GPAT3: variants seen among roughly 807,000 people sequenced by gnomAD.
GPAT3 encodes the protein 1-AGP acyltransferase 9.
In GPAT3, 53 loss-of-function variants were observed where a neutral mutation model predicts 58.8. The observed-to-expected ratio is 0.90, with a 90% CI of 0.72 to 1.13. The LOEUF (loss-of-function observed/expected upper bound fraction) is 1.13, where lower values mean the gene tolerates loss of function less well. Ranked by LOEUF, GPAT3 falls within the 50% of genes most tolerant of loss-of-function variation. The pLI is 0.00. For synonymous variants in GPAT3, 197 were observed against 187.4 expected (o/e 1.05, Z -0.42); for missense variants, 511 against 527.6 (o/e 0.97, Z 0.31).
chr4:83,604,517 G>A lies in GPAT3; in HGVS notation c.1206-151G>A, dbSNP rs1173546546. 9.4e-6 allele frequency: 5 copies of A among 529,578 alleles called. No individual in the cohort carries two copies. In the African/African-American group the frequency reaches 9.8e-5, roughly 10 times the overall value. The allele number at this position is 529,578 out of a possible 1,614,324, so 32.8% of individuals were successfully genotyped here. A position where few individuals can be genotyped will look rare whatever the true frequency, so the allele number is the denominator to read the frequency against. ...AGTGGTAGGGCAGAAACTGAAACCT[G>A]GGTCTTCCTGTTTCCAAATCCAGTG... On this transcript the variant is annotated intron_variant, in intron 11 of 11. Coordinates refer to ENST00000264409, the MANE Select transcript of GPAT3 (RefSeq NM_032717.5).
intron 11 of GPAT3, among the ~76,000 whole-genome samples, chr4:83,600,223 T>G (rs1052177889): frequency 8.5e-5 from 13 of 152,304 alleles, no homozygotes; most frequent in African/African-American, 2.6e-4. Context: ...CCTCTTGTGT[T>G]GCAGATAGCT....
chr4:83,536,178 G>T lies in GPAT3; in HGVS notation c.-445G>T, dbSNP rs938544480. ...CGGTGTGCCAAAGTGCGGTGCTCCC[G>T]CAGGGAACCTGGCTCGGGGAGGGCC... On this transcript the variant is annotated 5_prime_UTR_variant, in exon 1 of 12. Transcript: ENST00000264409. 5.0e-5 allele frequency: 49 copies of T among 986,350 alleles called. No homozygotes were observed. The highest frequency in any genetic ancestry group is 5.2e-4 in the Middle Eastern group (1 of 1,938). 61.1% of individuals were successfully genotyped at this position (986,350 alleles called of 1,614,324 possible).
At chr4:83,566,214 A>C (rs1390495445) in intron 2 of GPAT3, among the ~76,000 whole-genome samples, 1 of 151,974 alleles carries the variant, frequency 6.6e-6, no homozygotes, top group African/African-American at 2.4e-5. Context: ...ACATTTTTGT[A>C]TTTTTGTAGA....
At chr4:83,587,365 C>T in intron 4 of GPAT3, 36 bp downstream of exon 4, 1 of 1,546,106 alleles carries the variant, frequency 6.5e-7, no homozygotes, top group Non-Finnish European at 8.9e-7. Flanking sequence ...ATATATAGGA[C>T]TGTCTTTTTT....
chr4:83,543,692 G>GGA (rs1462343610), intron 1 of GPAT3, among the ~76,000 whole-genome samples: 1 of 151,718 alleles, frequency 6.6e-6, no homozygotes, highest in Non-Finnish European at 1.5e-5. Context: ...TGCCTAGACT[G>GGA]GAGTGCAGGT....
chr4:83,605,492 A>G lies in GPAT3; in HGVS notation c.*725A>G, dbSNP rs761023803. The G allele has an allele frequency of 2.6e-5, 4 of 152,268 alleles. No individual in the cohort carries two copies. Among genetic ancestry groups the G allele is most frequent in the South Asian group, 2.1e-4 (1 of 4,820 alleles). 9.4% of individuals were successfully genotyped at this position (152,268 alleles called of 1,614,324 possible). On this transcript the variant is annotated 3_prime_UTR_variant, in exon 12 of 12. Transcript: ENST00000264409. ...TAGATCTGTACCTAGTACCCCTCCCATCTACTGATTTGTTTGTTTTTGTAA... is the reference window on the plus strand; with the variant it reads ...TAGATCTGTACCTAGTACCCCTCCCGTCTACTGATTTGTTTGTTTTTGTAA...
At chr4:83,599,790 G>C (rs1395027494) in intron 11 of GPAT3, among the ~76,000 whole-genome samples, 1 of 152,096 alleles carries the variant, frequency 6.6e-6, no homozygotes, top group African/African-American at 2.4e-5. Context: ...GTCCCCTCTG[G>C]ATAATGGGGG....
intron 5 of GPAT3, among the ~76,000 whole-genome samples, 184 bp from the exon 6 acceptor site, chr4:83,590,015 C>G (rs1043692416): frequency 2.0e-5 from 3 of 152,020 alleles, no homozygotes; most frequent in Admixed American, 6.6e-5. Flanking sequence ...TTGCTTGAAC[C>G]CCTGGAGGTG....
intron 2 of GPAT3, among the ~76,000 whole-genome samples, chr4:83,570,873 A>T (rs1725578907): frequency 6.6e-6 from 1 of 152,056 alleles, no homozygotes; most frequent in Admixed American, 6.5e-5. Flanking sequence ...CAGATACATG[A>T]TTTTTTACAT....
At chr4:83,579,165 TTCTC>T (rs1299789440) in intron 2 of GPAT3, among the ~76,000 whole-genome samples, 1 of 140,684 alleles carries the variant, frequency 7.1e-6, no homozygotes, top group African/African-American at 2.7e-5. Context: ...CTTTCTCTCT[TTCTC>T]TTTCTTTCCT....
At chr4:83,596,809 C>T (rs1289040922) in intron 7 of GPAT3, 49 bp from the exon 8 acceptor site, 1 of 1,429,310 alleles carries the variant, frequency 7.0e-7, no homozygotes, top group Non-Finnish European at 9.9e-7. Flanking sequence ...AAAGGACATC[C>T]ACCTCTCTCT....
intron 6 of GPAT3, among the ~76,000 whole-genome samples, chr4:83,593,160 C>G (rs1726671917): frequency 9.2e-6 from 1 of 108,312 alleles, no homozygotes; most frequent in Admixed American, 1.0e-4. Context: ...AGCCACCGAG[C>G]CAGGACTTTT....
At position 83,581,844 on chromosome 4, in the gene GPAT3, G is replaced by A; in HGVS notation, c.479+12G>A. The A allele has an allele frequency of 6.3e-7, 1 of 1,593,074 alleles. No individual in the cohort carries two copies. Among genetic ancestry groups the A allele is most frequent in the Non-Finnish European group, 8.6e-7 (1 of 1,167,014 alleles). On this transcript the variant is annotated intron_variant, in intron 3 of 11. Transcript: ENST00000264409. The stretch of plus-strand genomic sequence containing the variant: ...CTACTGCCTCTGAGGTAAGTCATAT[G>A]CCTGGTAATTTGATGATACGCTTGA...
chr4:83,566,404 T>A (rs6824732), intron 2 of GPAT3, among the ~76,000 whole-genome samples: 51,892 of 147,480 alleles, frequency 0.35, 9,164 homozygotes, highest in Middle Eastern at 0.46. Flanking sequence ...TTCTTTTTTT[T>A]AAAAAATTAA....
In GPAT3 at chr4:83,536,617, C is replaced by T; in HGVS notation, c.-6C>T. The T allele has an allele frequency of 1.2e-6, 2 of 1,611,432 alleles. No individual in the cohort carries two copies. Among genetic ancestry groups the T allele is most frequent in the Non-Finnish European group, 1.7e-6 (2 of 1,179,444 alleles). On this transcript the variant is annotated 5_prime_UTR_variant, in exon 1 of 12. Coordinates refer to ENST00000264409, the MANE Select transcript of GPAT3 (RefSeq NM_032717.5). ...GCGGACCTCTCCTGAGTGGGTGCGC[C>T]GAGTCATGGAGGGCGCAGAGCTGGC... is the stretch of plus-strand genomic sequence containing the variant.
At chr4:83,553,642 T>C (rs2110077581) in intron 2 of GPAT3, among the ~76,000 whole-genome samples, 1 of 152,278 alleles carries the variant, frequency 6.6e-6, no homozygotes, top group Non-Finnish European at 1.5e-5. Context: ...CTCATGCCTG[T>C]AATCCCAGCA....
At chr4:83,554,104 A>C (rs1724860570) in intron 2 of GPAT3, among the ~76,000 whole-genome samples, 1 of 151,712 alleles carries the variant, frequency 6.6e-6, no homozygotes, top group Non-Finnish European at 1.5e-5. Context: ...CTGTCCTCAC[A>C]CCTCATCCTC....
At chr4:83,584,652 T>C (rs951773578) in intron 3 of GPAT3, among the ~76,000 whole-genome samples, 4 of 152,212 alleles carry the variant, frequency 2.6e-5, no homozygotes, top group African/African-American at 9.6e-5. Flanking sequence ...ATTACAGGCA[T>C]GTGCCTCCAT....
At chr4:83,547,348 A>G (rs575783273) in intron 2 of GPAT3, among the ~76,000 whole-genome samples, 2,459 of 142,946 alleles carry the variant, frequency 0.017, 55 homozygotes, top group African/African-American at 0.046. Context: ...CGCCTCCCAG[A>G]TTCACGCCAT....
Sources: gnomAD v4.1 joint callset for allele counts (sites outside exome capture counted in the v4.1 genomes callset) on GRCh38, gnomAD v4.1.1 for gene constraint, MANE v1.5 for transcripts, NCBI Gene and HGNC (gene_info 2026-07-23, HGNC 2026-07-21) for gene names.